The following MIPOL1 variants were observed in gnomAD, a reference collection of about 807,000 sequenced individuals.
MIPOL1 encodes the protein mirror-image polydactyly gene 1 protein.
MIPOL1 carries 57 observed loss-of-function variants against 60.9 expected under a neutral mutation model. The ratio of observed to expected loss-of-function variants is 0.94; its 90% CI spans 0.76 to 1.17. The LOEUF (loss-of-function observed/expected upper bound fraction) is 1.17, where lower values mean the gene tolerates loss of function less well. Ranked by LOEUF, MIPOL1 falls within the 50% of genes most tolerant of loss-of-function variation. The pLI is 0.00. For synonymous variants in MIPOL1, 179 were observed against 168.8 expected (o/e 1.06, Z -0.47); for missense variants, 551 against 511.6 (o/e 1.08, Z -0.74).
At chr14:37,378,428 A>G (rs913265970) in intron 10 of MIPOL1, among the ~76,000 whole-genome samples, 7 of 152,090 alleles carry the variant, frequency 4.6e-5, no homozygotes, top group African/African-American at 1.7e-4. Flanking sequence ...TTAAATTTAT[A>G]TGATTCCATT....
chr14:37,200,850 ATGTG>A (rs56965903), intron 1 of MIPOL1, among the ~76,000 whole-genome samples: 8,835 of 86,882 alleles, frequency 0.1, 530 homozygotes, highest in Admixed American at 0.14. Context: ...ATATCTATCT[ATGTG>A]TGTGTGTGTG....
chr14:37,328,339 G>A (rs2089371398), intron 9 of MIPOL1, among the ~76,000 whole-genome samples: 1 of 152,008 alleles, frequency 6.6e-6, no homozygotes, highest in African/African-American at 2.4e-5. Flanking sequence ...TTAAAATACG[G>A]GAAAGTAACC....
chr14:37,215,153 G>A (rs1348923239), intron 1 of MIPOL1, among the ~76,000 whole-genome samples: 4 of 152,014 alleles, frequency 2.6e-5, no homozygotes, highest in Admixed American at 6.6e-5. Flanking sequence ...CTCTCTGTCC[G>A]CCTTGGCTGC....
intron 9 of MIPOL1, among the ~76,000 whole-genome samples, chr14:37,335,557 A>C (rs561762278): frequency 6.6e-6 from 1 of 152,124 alleles, no homozygotes; most frequent in East Asian, 1.9e-4. Context: ...AATGTCATCA[A>C]TGTTGATTTA....
chr14:37,332,171 C>G (rs547789055), intron 9 of MIPOL1, among the ~76,000 whole-genome samples: 1 of 150,012 alleles, frequency 6.7e-6, no homozygotes, highest in Non-Finnish European at 1.5e-5. Flanking sequence ...TTTTCCTATT[C>G]TATATGATTC....
chr14:37,227,392 G>A (rs908483859), intron 1 of MIPOL1, among the ~76,000 whole-genome samples: 6 of 152,076 alleles, frequency 3.9e-5, no homozygotes, highest in Non-Finnish European at 7.4e-5. Flanking sequence ...CAGAGTCATT[G>A]TATACTATCT....
At chr14:37,477,667 C>G (rs1344653771) in intron 11 of MIPOL1, among the ~76,000 whole-genome samples, 1 of 152,158 alleles carries the variant, frequency 6.6e-6, no homozygotes, top group Non-Finnish European at 1.5e-5. Context: ...AAGTCACATT[C>G]AAAATGCAGG....
chr14:37,224,669 T>C (rs1028957763), intron 1 of MIPOL1, among the ~76,000 whole-genome samples: 1 of 152,124 alleles, frequency 6.6e-6, no homozygotes, highest in Non-Finnish European at 1.5e-5. Context: ...TAATCCAAGA[T>C]GACATTTGGG....
At chr14:37,434,850 C>CA (rs71127219) in intron 11 of MIPOL1, among the ~76,000 whole-genome samples, 1,500 of 111,534 alleles carry the variant, frequency 0.013, 15 homozygotes, top group African/African-American at 0.028. Flanking sequence ...TTAATCACAG[C>CA]AAAAAAAAAA....
intron 10 of MIPOL1, among the ~76,000 whole-genome samples, chr14:37,374,977 A>G (rs1009134475): frequency 1.3e-5 from 2 of 152,156 alleles, no homozygotes; most frequent in Admixed American, 6.5e-5. Context: ...CTTGGGCAAT[A>G]TGGCTATTTT....
At chr14:37,350,178 C>T (rs2091252318) in intron 9 of MIPOL1, among the ~76,000 whole-genome samples, 1 of 152,104 alleles carries the variant, frequency 6.6e-6, no homozygotes, top group Admixed American at 6.5e-5. Flanking sequence ...CTCAAGTAAT[C>T]CTCCCACTTC....
intron 10 of MIPOL1, among the ~76,000 whole-genome samples, chr14:37,381,438 T>G: frequency 6.6e-6 from 1 of 152,070 alleles, no homozygotes; most frequent in Non-Finnish European, 1.5e-5. Context: ...AACAATGTCC[T>G]GGATAGCTTT....
chr14:37,363,290 G>C (rs775816341), intron 9 of MIPOL1, among the ~76,000 whole-genome samples: 11 of 152,104 alleles, frequency 7.2e-5, no homozygotes, highest in Non-Finnish European at 1.5e-4. Context: ...TACAGTTGGG[G>C]TTTTGGTGTA....
At chr14:37,502,861 GC>G (rs1172904934) in intron 12 of MIPOL1, 1 of 152,162 alleles carries the variant, frequency 6.6e-6, no homozygotes, top group African/African-American at 2.4e-5. Flanking sequence ...TTACAAGGAA[GC>G]TAAAAACCTT....
At chr14:37,240,973 T>G (rs554806014) in intron 1 of MIPOL1, among the ~76,000 whole-genome samples, 1 of 149,422 alleles carries the variant, frequency 6.7e-6, no homozygotes, top group African/African-American at 2.5e-5. Context: ...ACACACAGGT[T>G]TATTATAAGA....
intron 12 of MIPOL1, among the ~76,000 whole-genome samples, chr14:37,527,169 T>C (rs2095453201): frequency 6.6e-6 from 1 of 152,054 alleles, no homozygotes; most frequent in Non-Finnish European, 1.5e-5. Context: ...ATAAATTAGC[T>C]TTTTATTATA....
chr14:37,256,994 A>G (rs1375662612), intron 3 of MIPOL1, among the ~76,000 whole-genome samples: 1 of 151,976 alleles, frequency 6.6e-6, no homozygotes, highest in African/African-American at 2.4e-5. Context: ...AGTGTAACTA[A>G]CAAGGGACTA....
chr14:37,499,148 G>T (rs1311186417), intron 11 of MIPOL1, among the ~76,000 whole-genome samples: 1 of 151,966 alleles, frequency 6.6e-6, no homozygotes, highest in Non-Finnish European at 1.5e-5. Context: ...ATTGAGTGAG[G>T]TGCTTGGTGC....
intron 1 of MIPOL1, among the ~76,000 whole-genome samples, chr14:37,207,091 C>T (rs147353732): frequency 2.0e-5 from 3 of 152,126 alleles, no homozygotes; most frequent in South Asian, 2.1e-4. Flanking sequence ...GAACCAGGGG[C>T]GGAATGATAT....
Sources: allele counts gnomAD v4.1 joint callset (sites outside exome capture counted in the v4.1 genomes callset), GRCh38; gene constraint gnomAD v4.1.1; transcripts MANE v1.5; gene names NCBI Gene and HGNC (gene_info 2026-07-23, HGNC 2026-07-21).